The following MYCBP2 variants were observed in gnomAD, a reference collection of about 807,000 sequenced individuals.
The protein encoded by MYCBP2 is E3 ubiquitin-protein ligase MYCBP2.
In MYCBP2, 120 loss-of-function variants were observed where a neutral mutation model predicts 525.3. That is an observed-to-expected ratio of 0.23 (90% CI 0.20 to 0.27). The LOEUF is 0.27. MYCBP2 is among the 10% of genes least tolerant of loss of function. The pLI, the probability that MYCBP2 is intolerant of heterozygous loss-of-function variation, is 1.00. For missense variants in MYCBP2, 4,149 were observed against 5,657.1 expected (o/e 0.73, Z 8.55); for synonymous variants, 1,894 against 1,955.8 (o/e 0.97, Z 0.83).
chr13:77,230,752 A>G (rs1236084763), intron 18 of MYCBP2, among the ~76,000 whole-genome samples: 1 of 152,236 alleles, frequency 6.6e-6, no homozygotes, highest in African/African-American at 2.4e-5. Context: ...CATGCTGTGC[A>G]TGGAAAAGCT....
At chr13:77,054,463 C>T (rs1277379918) in intron 80 of MYCBP2, among the ~76,000 whole-genome samples, 1 of 151,944 alleles carries the variant, frequency 6.6e-6, no homozygotes. Context: ...TACACCCGAG[C>T]TCAGGAAGAA....
intron 33 of MYCBP2, 111 bp from the exon 34 acceptor site, chr13:77,180,429 G>T (rs2060110009): frequency 3.4e-6 from 3 of 882,606 alleles, no homozygotes; most frequent in African/African-American, 1.7e-5. Flanking sequence ...CTTGAATCAG[G>T]GTCAATTTCT....
intron 57 of MYCBP2, 49 bp downstream of exon 57, chr13:77,096,263 A>G: frequency 6.6e-7 from 1 of 1,518,286 alleles, no homozygotes; most frequent in Non-Finnish European, 9.0e-7. Context: ...GTATTTTTAT[A>G]CAGTGTATCC....
At chr13:77,184,218 T>C (rs1018134433) in intron 32 of MYCBP2, among the ~76,000 whole-genome samples, 9 of 152,238 alleles carry the variant, frequency 5.9e-5, no homozygotes, top group African/African-American at 2.2e-4. Context: ...CATTTTAAAA[T>C]TTCCTTTATA....
intron 25 of MYCBP2, 29 bp downstream of exon 25, chr13:77,205,444 C>T (rs1319945569): frequency 6.2e-6 from 10 of 1,611,704 alleles, no homozygotes; most frequent in Non-Finnish European, 6.8e-6. Context: ...AGTTGTAAGA[C>T]AACATTTCCT....
At chr13:77,233,308 G>T (rs1480487476) in intron 17 of MYCBP2, 45 bp from the exon 18 acceptor site, 1 of 1,384,990 alleles carries the variant, frequency 7.2e-7, no homozygotes. Context: ...CTCACAAAAT[G>T]AAAACACTAT....
rs756377801 is a variant in MYCBP2 at position 77,098,685 on chromosome 13, C to G, written c.8469G>C (p.Lys2823Asn). 1.2e-6 allele frequency: 2 copies of G among 1,613,358 alleles called. No individual in the cohort carries two copies. Among genetic ancestry groups the G allele is most frequent in the Non-Finnish European group, 1.7e-6 (2 of 1,179,754 alleles). Residue 2823 changes from lysine (K) to asparagine (N), a missense_variant, in exon 56 of 83, where the codon AAG (lysine) becomes AAC (asparagine). Lys to Asn is a moderately conservative substitution (Grantham distance 94, BLOSUM62 0). This residue lies in a region of MYCBP2 where 653 missense variants were observed against 744.7 expected (regional missense o/e 0.88). Transcript: ENST00000544440. Reference sequence around the variant, plus strand: ...ACCTATTGGCTGGGAGAGTCTTTGGCTTAGGAGATGACAACCGAGAACCTG... The same window carrying G: ...ACCTATTGGCTGGGAGAGTCTTTGGGTTAGGAGATGACAACCGAGAACCTG... ...PGPGSRLSSPKPKTLPANRSS... is the reference protein window; with the variant it reads ...PGPGSRLSSPNPKTLPANRSS...
In MYCBP2 at chr13:77,081,288, TATTTGGGG is replaced by T; in HGVS notation, c.11418+131_11418+138del. On this transcript the variant is annotated intron_variant, in intron 65 of 82. Transcript: ENST00000544440. This position sits in a 1 kb window ranked among gnomAD's most constrained non-coding sequence, Gnocchi z 4.6. ...TTAATTTGTTTTTAGACTTAAGATT[TATTTGGGG>T]ATTATAGCAATGATGTTTGGTTGGT... is the stretch of plus-strand genomic sequence containing the variant. The T allele has an allele frequency of 1.4e-6, 1 of 723,926 alleles. No individual in the cohort carries two copies. Among genetic ancestry groups the T allele is most frequent in the East Asian group, 2.6e-5 (1 of 38,616 alleles). 44.8% of individuals were successfully genotyped at this position (723,926 alleles called of 1,614,324 possible).
chr13:77,201,950 C>A (rs546616980), intron 26 of MYCBP2, among the ~76,000 whole-genome samples: 2 of 151,934 alleles, frequency 1.3e-5, no homozygotes, highest in Middle Eastern at 6.8e-3. Context: ...AGGAAAGATC[C>A]AAAATTGACA....
At chr13:77,139,652 ATATT>A (rs1331999282) in intron 51 of MYCBP2, among the ~76,000 whole-genome samples, 1 of 152,332 alleles carries the variant, frequency 6.6e-6, no homozygotes, top group South Asian at 2.1e-4. Context: ...TCCTTCCCTT[ATATT>A]TATATTTTAA....
chr13:77,126,514 A>G lies in MYCBP2; in HGVS notation c.7688T>C (p.Phe2563Ser). 1 of 1,613,622 alleles carries G rather than the reference A, an allele frequency of 6.2e-7. No homozygotes were observed. The highest frequency in any genetic ancestry group is 8.5e-7 in the Non-Finnish European group (1 of 1,179,720). ...DESKTNTDDF[F>S]KDINSCCPQE... is the part of the protein sequence containing the mutation. ...TGGGCAGCAGGAGTTTATGTCTTTG[A>G]AAAAGTCATCAGTATTAGTTTTAGA... Residue 2563 changes from phenylalanine to serine, a missense_variant, in exon 53 of 83, where the codon TTC becomes TCC. This residue lies in a region of MYCBP2 where 692 missense variants were observed against 852.7 expected (regional missense o/e 0.81). Transcript: ENST00000544440.
rs1235034617 is a variant in MYCBP2 at position 77,174,411 on chromosome 13, G to A, written c.5551C>T (p.Gln1851Ter). The A allele has an allele frequency of 6.2e-7, 1 of 1,614,140 alleles. No homozygotes were observed. The highest frequency in any genetic ancestry group is 1.1e-5 in the South Asian group (1 of 91,082). ...ANGDGGMTTVQCPDGVTFTFS... is the reference protein window; with the variant it reads ...ANGDGGMTTV The stretch of plus-strand genomic sequence containing the variant: ...GTGAATGTCACACCATCAGGGCACT[G>A]AACTGTGGTCATTCCTCCATCTCCA... The change falls in exon 37 of 83, where the codon CAG (glutamine) becomes TAG (stop). Residue 1851 changes from glutamine (Q) to a stop codon, truncating the protein, a stop_gained. Transcript: ENST00000544440. LOFTEE classifies it high-confidence loss of function.
intron 1 of MYCBP2, among the ~76,000 whole-genome samples, chr13:77,299,532 T>G (rs1338590346): frequency 6.6e-6 from 1 of 152,168 alleles, no homozygotes; most frequent in Non-Finnish European, 1.5e-5. Flanking sequence ...AAACAAAATT[T>G]GTATTCAACA....
chr13:77,180,178 T>C lies in MYCBP2; in HGVS notation c.5082A>G (p.Gly1694=), dbSNP rs1205319582. ...FSSHLVSNTC[G]LLASIVSELT... is the part of the protein sequence containing the mutation. The stretch of plus-strand genomic sequence containing the variant: ...GTTCACTGACAATGCTGGCCAGTAA[T>C]CCACAGGTGTTAGAGACGAGGTGGG... Residue 1694 remains glycine (G), a synonymous_variant, in exon 34 of 83, where the codon GGA becomes GGG. Transcript: ENST00000544440. The C allele has an allele frequency of 5.0e-6, 8 of 1,614,134 alleles. No homozygotes were observed. Among genetic ancestry groups the C allele is most frequent in the Non-Finnish European group, 6.8e-6 (8 of 1,179,996 alleles).
intron 12 of MYCBP2, 123 bp downstream of exon 12, chr13:77,261,048 T>C (rs2073179187): frequency 1.4e-6 from 1 of 697,416 alleles, no homozygotes; most frequent in South Asian, 2.2e-5. Flanking sequence ...ATCAAGTCAA[T>C]GATATATATA....
In MYCBP2 at chr13:77,044,906, T is replaced by G; in HGVS notation, c.*472A>C. ...ATATGCTGTCCTAACACAATGTTTT[T>G]TTTTTTTTTAAATAACAGTCTAGGA... On this transcript the variant is annotated 3_prime_UTR_variant, in exon 83 of 83. Transcript: ENST00000544440. The G allele has an allele frequency of 2.5e-6, 1 of 400,978 alleles. No homozygotes were observed. The allele number at this position is 400,978 out of a possible 1,614,324, so 24.8% of individuals were successfully genotyped here.
intron 5 of MYCBP2, among the ~76,000 whole-genome samples, chr13:77,272,103 G>A (rs1249052788): frequency 6.6e-6 from 1 of 152,176 alleles, no homozygotes; most frequent in Non-Finnish European, 1.5e-5. Flanking sequence ...ATAAGCCCTC[G>A]AGTCCTGTCT....
chr13:77,107,598 T>G (rs1175002293), intron 55 of MYCBP2, among the ~76,000 whole-genome samples: 2 of 151,836 alleles, frequency 1.3e-5, no homozygotes, highest in Non-Finnish European at 2.9e-5. Flanking sequence ...ATTAGGCAGG[T>G]GTGGGGACAC....
At chr13:77,257,633 A>T in intron 14 of MYCBP2, 38 bp downstream of exon 14, 2 of 1,500,814 alleles carry the variant, frequency 1.3e-6, no homozygotes, top group Non-Finnish European at 1.8e-6. Flanking sequence ...TAATGAAAAG[A>T]CAACACAAAT....
Sources: allele counts gnomAD v4.1 joint callset (sites outside exome capture counted in the v4.1 genomes callset), GRCh38; gene constraint gnomAD v4.1.1; regional missense constraint gnomAD v4.1.1; non-coding constraint Gnocchi (gnomAD v3.1); transcripts MANE v1.5; gene names NCBI Gene and HGNC (gene_info 2026-07-23, HGNC 2026-07-21).